POLE4: variants seen among roughly 807,000 people sequenced by gnomAD.
POLE4 encodes the protein DNA polymerase epsilon subunit 4.
In POLE4, 15 loss-of-function variants were observed where a neutral mutation model predicts 15.6. The ratio of observed to expected loss-of-function variants is 0.96; its 90% CI spans 0.64 to 1.48. The LOEUF (loss-of-function observed/expected upper bound fraction) is 1.48, where lower values mean the gene tolerates loss of function less well. Ranked by LOEUF, POLE4 falls within the 40% of genes most tolerant of loss-of-function variation. The pLI is 0.00. For synonymous variants in POLE4, 83 were observed against 63.2 expected (o/e 1.31, Z -1.49); for missense variants, 205 against 151.9 (o/e 1.35, Z -1.84).
At chr2:74,962,322 CT>C (rs1307972179) in intron 3 of POLE4, among the ~76,000 whole-genome samples, 1 of 152,098 alleles carries the variant, frequency 6.6e-6, no homozygotes, top group African/African-American at 2.4e-5. Flanking sequence ...TCCCTTTTCC[CT>C]TTCTAGTTCA....
rs564929651 is a variant in POLE4, at chr2:74,966,050, T to G, written c.341-3359T>G. Among the ~76,000 whole-genome samples the G allele has an allele frequency of 3.0e-5, 4 of 134,608 alleles. No individual in the cohort carries two copies. In the South Asian group the frequency reaches 6.8e-4, roughly 23 times the overall value. 88.3% of individuals were successfully genotyped at this position (134,608 alleles called of 152,430 possible). A position where few individuals can be genotyped will look rare whatever the true frequency, so the allele number is the denominator to read the frequency against. ...TTTTATTTGCTTGTTTTATGTTTTG[T>G]TTTTTTTTTCTCTCAATTTTTGGCC... On this transcript the variant is annotated intron_variant, in intron 3 of 3. Transcript: ENST00000483063.
chr2:74,958,899 CT>C lies in POLE4; in HGVS notation c.213+8del. ...CATTCTGGCACGAGCCGCGGTGCGC[CT>C]GCAGCGCGAGGGCATGCGGGAGTGG... On this transcript the variant is annotated splice_region_variant and intron_variant, in intron 1 of 3. Coordinates refer to ENST00000483063, the MANE Select transcript of POLE4 (RefSeq NM_019896.4). 1 of 1,551,806 alleles carries C rather than the reference CT, an allele frequency of 6.4e-7. No individual in the cohort carries two copies. Among genetic ancestry groups the C allele is most frequent in the Non-Finnish European group, 8.7e-7 (1 of 1,146,906 alleles).
intron 3 of POLE4, among the ~76,000 whole-genome samples, chr2:74,967,558 C>T (rs1429912238): frequency 6.6e-6 from 1 of 152,140 alleles, no homozygotes; most frequent in African/African-American, 2.4e-5. Context: ...ACCTAATATT[C>T]AAAGCCTTTT....
At chr2:74,959,286 C>G in intron 1 of POLE4, 55 bp from the exon 2 acceptor site, 1 of 1,175,804 alleles carries the variant, frequency 8.5e-7, no homozygotes, top group South Asian at 1.3e-5. Context: ...CCGGAGCCCT[C>G]ACCTCCTCAG....
At position 74,958,646 on chromosome 2, in the gene POLE4, G is replaced by C. The variant is rs1036790304; in HGVS notation, c.-34G>C. 10 of 1,391,860 alleles carry C rather than the reference G, an allele frequency of 7.2e-6. No homozygotes were observed. In the African/African-American group the frequency reaches 1.5e-4, roughly 21 times the overall value. 86.2% of individuals were successfully genotyped at this position (1,391,860 alleles called of 1,614,324 possible). A position where few individuals can be genotyped will look rare whatever the true frequency, so the allele number is the denominator to read the frequency against. On this transcript the variant is annotated 5_prime_UTR_variant, in exon 1 of 4. Coordinates refer to ENST00000483063, the MANE Select transcript of POLE4 (RefSeq NM_019896.4). The stretch of plus-strand genomic sequence containing the variant: ...GGCCTGCGCCGCATGCGCGCGCACA[G>C]TCGGCGGCCGCGCGCAGCACGCTCA...
At chr2:74,960,949 A>G (rs1333545244) in intron 3 of POLE4, 2 of 197,546 alleles carry the variant, frequency 1.0e-5, no homozygotes, top group East Asian at 1.1e-4. Context: ...GTACAGTAAC[A>G]TGCTGTTCAG....
chr2:74,967,584 T>C (rs1671314397), intron 3 of POLE4, among the ~76,000 whole-genome samples: 1 of 152,236 alleles, frequency 6.6e-6, no homozygotes, highest in Admixed American at 6.5e-5. Context: ...TTTTGTTTGC[T>C]AGTCTGTGCC....
At chr2:74,963,279 A>G (rs1012584885) in intron 3 of POLE4, among the ~76,000 whole-genome samples, 2 of 152,264 alleles carry the variant, frequency 1.3e-5, no homozygotes, top group East Asian at 3.9e-4. Context: ...ATTCTTACCC[A>G]CACTTGGTAT....
intron 1 of POLE4, 40 bp downstream of exon 1, chr2:74,958,932 T>G (rs1407217768): frequency 8.8e-6 from 13 of 1,477,044 alleles, no homozygotes; most frequent in East Asian, 5.2e-5. Context: ...GTGGGGGAGG[T>G]GGAGTGTGGG....
intron 3 of POLE4, among the ~76,000 whole-genome samples, chr2:74,963,156 G>A (rs1042383460): frequency 6.6e-6 from 1 of 152,088 alleles, no homozygotes; most frequent in South Asian, 2.1e-4. Context: ...AATACTGCTG[G>A]GACCTAGGCT....
chr2:74,959,245 T>C (rs1303676772), intron 1 of POLE4, 96 bp from the exon 2 acceptor site: 5 of 746,930 alleles, frequency 6.7e-6, no homozygotes, highest in Non-Finnish European at 1.2e-5. Flanking sequence ...GCCCCGAGCC[T>C]TTCTTCTCCC....
intron 3 of POLE4, chr2:74,960,525 C>T: frequency 2.1e-6 from 1 of 474,642 alleles, no homozygotes; most frequent in Admixed American, 2.4e-5. Flanking sequence ...GTTCTTTTTT[C>T]TTCAACAATC....
chr2:74,960,507 C>T (rs964769455), intron 3 of POLE4: 1 of 475,062 alleles, frequency 2.1e-6, no homozygotes, highest in Admixed American at 2.5e-5. Context: ...TTTAAAGGGT[C>T]ACCGCTTGTT....
intron 1 of POLE4, 127 bp downstream of exon 1, chr2:74,959,019 A>C (rs1671171887): frequency 2.4e-6 from 2 of 847,034 alleles, no homozygotes; most frequent in Admixed American, 2.8e-5. Flanking sequence ...GTGGACCCGG[A>C]AGGCGGAGGA....
chr2:74,961,818 A>G (rs575352262), intron 3 of POLE4, among the ~76,000 whole-genome samples: 1 of 152,334 alleles, frequency 6.6e-6, no homozygotes, highest in East Asian at 1.9e-4. Flanking sequence ...AATGTTAGCC[A>G]TCATAGCCCC....
rs887637257 is a variant in POLE4 at position 74,963,408 on chromosome 2, AT to A, written c.340+3271del. On this transcript the variant is annotated intron_variant, in intron 3 of 3. Coordinates refer to ENST00000483063, the MANE Select transcript of POLE4 (RefSeq NM_019896.4). The stretch of plus-strand genomic sequence containing the variant: ...TGGGCGTCTTTTCATATACATGCCC[AT>A]TTTTTTTTGAGGGGTGTCTTCTATT... Among the ~76,000 whole-genome samples the A allele has an allele frequency of 4.4e-3, 654 of 149,494 alleles. 6 individuals are homozygous for A. Among genetic ancestry groups the A allele is most frequent in the African/African-American group, 0.015 (618 of 40,800 alleles).
intron 3 of POLE4, among the ~76,000 whole-genome samples, chr2:74,966,580 T>C (rs1671299477): frequency 6.6e-6 from 1 of 152,142 alleles, no homozygotes. Context: ...TTTTTTTGTA[T>C]TTTTAGTAGA....
intron 1 of POLE4, 151 bp downstream of exon 1, chr2:74,959,043 C>T (rs1023761168): frequency 1.4e-6 from 1 of 696,308 alleles, no homozygotes; most frequent in Non-Finnish European, 2.4e-6. Flanking sequence ...GGGCCGGGGA[C>T]CTGTGCGAGT....
chr2:74,964,011 A>G (rs551257896), intron 3 of POLE4, among the ~76,000 whole-genome samples: 22 of 146,314 alleles, frequency 1.5e-4, no homozygotes, highest in Non-Finnish European at 2.5e-4. Context: ...AAATCTTTAT[A>G]GTTTTGTCTT....
Sources: gnomAD v4.1 joint callset for allele counts (sites outside exome capture counted in the v4.1 genomes callset) on GRCh38, gnomAD v4.1.1 for gene constraint, MANE v1.5 for transcripts, NCBI Gene and HGNC (gene_info 2026-07-23, HGNC 2026-07-21) for gene names.